TYRP1: variants seen among roughly 807,000 people sequenced by gnomAD.
TYRP1 encodes the protein 5,6-dihydroxyindole-2-carboxylic acid oxidase.
A neutral mutation model predicts 42.8 loss-of-function variants in TYRP1; 49 were observed. The observed-to-expected ratio is 1.14, with a 90% confidence interval of 0.91 to 1.45. The LOEUF (loss-of-function observed/expected upper bound fraction) is 1.45. Ranked by LOEUF, TYRP1 falls within the 40% of genes most tolerant of loss-of-function variation. The probability of loss-of-function intolerance (pLI) is 0.00; values close to 1 mark genes in which losing one functional copy is unlikely to be tolerated. For synonymous variants in TYRP1, 279 were observed against 235.4 expected (o/e 1.19, Z -1.69); for missense variants, 848 against 662.0 (o/e 1.28, Z -3.08).
In TYRP1 at chr9:12,708,983, A is replaced by C; in HGVS notation, c.1415A>C (p.Glu472Ala). The C allele has an allele frequency of 6.2e-7, 1 of 1,612,094 alleles. No homozygotes were observed. Among genetic ancestry groups the C allele is most frequent in the African/African-American group, 1.3e-5 (1 of 74,908 alleles). ...YTYEIQWPSR[E>A]FSVPEIIAIA... ...TATCTTCCTTTCCAAATAGGTCGGG[A>C]GTTTAGTGTACCTGAGATAATTGCC... is the stretch of plus-strand genomic sequence containing the variant. Residue 472 changes from glutamate to alanine, a missense_variant, in exon 8 of 8, where the codon GAG becomes GCG. Physicochemically the swap from Glu to Ala is moderately radical, Grantham distance 107. Transcript: ENST00000388918.
At chr9:12,699,299 T>G (rs141441678) in intron 4 of TYRP1, among the ~76,000 whole-genome samples, 1 of 152,004 alleles carries the variant, frequency 6.6e-6, no homozygotes, top group Non-Finnish European at 1.5e-5. Flanking sequence ...TTCTGCCACA[T>G]GTAGATCTCT....
At chr9:12,707,359 A>G (rs1296116161) in intron 6 of TYRP1, among the ~76,000 whole-genome samples, 2 of 152,140 alleles carry the variant, frequency 1.3e-5, no homozygotes, top group South Asian at 4.1e-4. Context: ...TACAAAATTC[A>G]CCAACAAATT....
At position 12,698,329 on chromosome 9, in the gene TYRP1, A is replaced by G. The variant is rs187005695; in HGVS notation, c.709-122A>G. 746 of 958,786 alleles carry G rather than the reference A, an allele frequency of 7.8e-4. 2 individuals are homozygous for G. In the African/African-American group the frequency reaches 0.011, roughly 14 times the overall value. 59.4% of individuals were successfully genotyped at this position (958,786 alleles called of 1,614,324 possible). On this transcript the variant is annotated intron_variant, in intron 3 of 7. Transcript: ENST00000388918. Reference sequence around the variant, plus strand: ...TGGGCCCCTCAGACACCGTTGATATACTAACCAGTACCTTATTGTCTGAAG... The same window carrying G: ...TGGGCCCCTCAGACACCGTTGATATGCTAACCAGTACCTTATTGTCTGAAG...
chr9:12,703,865 T>C (rs1462339776), intron 5 of TYRP1, among the ~76,000 whole-genome samples: 2 of 142,342 alleles, frequency 1.4e-5, no homozygotes, highest in African/African-American at 5.2e-5. Flanking sequence ...CTCCCTTATA[T>C]ATGGAATATA....
rs1818315663 is a variant in TYRP1, at chr9:12,709,237, A to C, written c.*55A>C. 1 of 1,496,798 alleles carries C rather than the reference A, an allele frequency of 6.7e-7. No individual in the cohort carries two copies. Among genetic ancestry groups the C allele is most frequent in the African/African-American group, 1.4e-5 (1 of 72,508 alleles). The allele number at this position is 1,496,798 out of a possible 1,614,324, so 92.7% of individuals were successfully genotyped here. ...TCACAAAACCACCTGGTTGAATATAATAGATTGAGTTATTAACTGTATTTT... is the reference window on the plus strand; with the variant it reads ...TCACAAAACCACCTGGTTGAATATACTAGATTGAGTTATTAACTGTATTTT... On this transcript the variant is annotated 3_prime_UTR_variant, in exon 8 of 8. Coordinates refer to ENST00000388918, the MANE Select transcript of TYRP1 (RefSeq NM_000550.3).
chr9:12,708,746 T>C (rs749640519), intron 7 of TYRP1, among the ~76,000 whole-genome samples: 1 of 152,092 alleles, frequency 6.6e-6, no homozygotes, highest in East Asian at 1.9e-4. Flanking sequence ...CTCAGACTCA[T>C]TGAGTCATCA....
Position 12,708,559 on chromosome 9 carries a change from G to T in TYRP1, c.1408+416G>T, listed in dbSNP as rs954516693. 3.3e-5 allele frequency among the ~76,000 whole-genome samples: 5 copies of T among 151,938 alleles called. No individual in the cohort carries two copies. In the East Asian group the frequency reaches 9.7e-4, roughly 29 times the overall value. On this transcript the variant is annotated intron_variant, in intron 7 of 7. Coordinates refer to ENST00000388918, the MANE Select transcript of TYRP1 (RefSeq NM_000550.3). ...CATTTATCTATCTTAAAGGAAAAGG[G>T]AGTGAGATACTCTTAGGTATTTTTC...
intron 2 of TYRP1, 114 bp from the exon 3 acceptor site, chr9:12,695,401 C>A: frequency 1.1e-6 from 1 of 935,362 alleles, no homozygotes; most frequent in Non-Finnish European, 1.6e-6. Flanking sequence ...TAATTTAAAA[C>A]ACATTTGAAC....
chr9:12,694,588 AT>A, intron 2 of TYRP1: 1 of 632,376 alleles, frequency 1.6e-6, no homozygotes, highest in Non-Finnish European at 2.7e-6. Flanking sequence ...TCTGATCAAT[AT>A]TTTATTCTGA....
intron 7 of TYRP1, among the ~76,000 whole-genome samples, chr9:12,708,657 G>A (rs1818301575): frequency 1.3e-5 from 2 of 151,916 alleles, no homozygotes; most frequent in African/African-American, 4.8e-5. Context: ...TAGTGGAAAA[G>A]TACAAGACTT....
At chr9:12,695,379 A>T (rs992931279) in intron 2 of TYRP1, 136 bp from the exon 3 acceptor site, 10 of 788,502 alleles carry the variant, frequency 1.3e-5, no homozygotes, top group South Asian at 5.1e-5. Context: ...GGATATTTTT[A>T]AAAGTGTAAA....
Position 12,695,093 on chromosome 9 carries a change from A to G in TYRP1, c.386-422A>G, listed in dbSNP as rs375059710. On this transcript the variant is annotated intron_variant, in intron 2 of 7. Transcript: ENST00000388918. ...TCCACATTTTAATGATTAAAAAAAA[A>G]CTAAGACTTGGAAAAATGTGCCCAA... Among the ~76,000 whole-genome samples the G allele has an allele frequency of 3.1e-4, 47 of 152,300 alleles. No individual in the cohort carries two copies. In the East Asian group the frequency reaches 4.6e-3, roughly 15 times the overall value.
chr9:12,707,777 C>T (rs1315494048), intron 6 of TYRP1: 2 of 435,418 alleles, frequency 4.6e-6, no homozygotes, highest in Non-Finnish European at 8.0e-6. Context: ...TTTAAACTCT[C>T]TTTTTTATTA....
chr9:12,699,677 C>G (rs914742598), intron 4 of TYRP1, among the ~76,000 whole-genome samples: 1 of 152,000 alleles, frequency 6.6e-6, no homozygotes, highest in South Asian at 2.1e-4. Flanking sequence ...AAGTTTAAAA[C>G]TTAGAATAAA....
In TYRP1 at chr9:12,694,029, T is replaced by C; in HGVS notation, c.33T>C (p.Cys11=). The C allele has an allele frequency of 3.7e-6, 6 of 1,614,096 alleles. No individual in the cohort carries two copies. The highest frequency in any genetic ancestry group is 5.1e-6 in the Non-Finnish European group (6 of 1,180,018). The change falls in exon 2 of 8, where the codon TGT becomes TGC. Residue 11 remains cysteine (C), a synonymous_variant. Transcript: ENST00000388918. ...CTCCTAAACTCCTCTCTCTGGGCTGTATCTTCTTCCCCTTGCTACTTTTTC... is the reference window on the plus strand; with the variant it reads ...CTCCTAAACTCCTCTCTCTGGGCTGCATCTTCTTCCCCTTGCTACTTTTTC... The part of the protein sequence containing the change: MSAPKLLSLG[C]IFFPLLLFQQ...
chr9:12,708,390 G>GA, intron 7 of TYRP1, among the ~76,000 whole-genome samples: 1 of 152,034 alleles, frequency 6.6e-6, no homozygotes, highest in African/African-American at 2.4e-5. Context: ...GGGTGAGTAT[G>GA]AAAATCTTCA....
chr9:12,705,407 C>T (rs1818242171), intron 6 of TYRP1, among the ~76,000 whole-genome samples: 2 of 151,912 alleles, frequency 1.3e-5, no homozygotes, highest in African/African-American at 2.4e-5. Flanking sequence ...GCACATAAAC[C>T]TGATATTGTA....
chr9:12,693,931 C>T lies in TYRP1; in HGVS notation c.-66C>T. 6.2e-7 allele frequency: 1 copy of T among 1,601,396 alleles called. No individual in the cohort carries two copies. The highest frequency in any genetic ancestry group is 8.5e-7 in the Non-Finnish European group (1 of 1,173,896). ...TTTCAGCTGGATTTTCCTCTACGTG[C>T]TTCAGTCTTCTCTACACAAAGAGCT... On this transcript the variant is annotated 5_prime_UTR_variant, in exon 2 of 8. Coordinates refer to ENST00000388918, the MANE Select transcript of TYRP1 (RefSeq NM_000550.3).
chr9:12,697,016 C>T (rs1169162046), intron 3 of TYRP1, among the ~76,000 whole-genome samples: 1 of 152,112 alleles, frequency 6.6e-6, no homozygotes, highest in Admixed American at 6.5e-5. Context: ...TTTGAAAGTA[C>T]ACTATCCATT....
Sources: allele counts gnomAD v4.1 joint callset (sites outside exome capture counted in the v4.1 genomes callset), GRCh38; gene constraint gnomAD v4.1.1; transcripts MANE v1.5; gene names NCBI Gene and HGNC (gene_info 2026-07-23, HGNC 2026-07-21).